The following MANEA variants were observed in gnomAD, a reference collection of about 807,000 sequenced individuals.
MANEA encodes glycoprotein endo-alpha-1,2-mannosidase.
MANEA carries 25 observed loss-of-function variants against 36.8 expected under a neutral mutation model. That is an observed-to-expected ratio of 0.68 (90% CI 0.50 to 0.95). The LOEUF is 0.95. Among genes scored for constraint, MANEA ranks in the 40% least tolerant of loss-of-function variants. The pLI is 0.00. For synonymous variants in MANEA, 198 were observed against 188.5 expected (o/e 1.05, Z -0.41); for missense variants, 565 against 558.8 (o/e 1.01, Z -0.11).
At position 95,587,078 on chromosome 6, in the gene MANEA, TATTA is replaced by T. The variant is rs757224611; in HGVS notation, c.544+100_544+103del. 32 of 740,654 alleles carry T rather than the reference TATTA, an allele frequency of 4.3e-5. 1 individual carries two copies. In the South Asian group the frequency reaches 5.0e-4, roughly 12 times the overall value. 45.9% of individuals were successfully genotyped at this position (740,654 alleles called of 1,614,324 possible). ...CTTTACTAGTTAATTTTCTCATTATTATTAATTATATTGTTAAGCTCATACCTCC... is the reference window on the plus strand; with the variant it reads ...CTTTACTAGTTAATTTTCTCATTATTATTATATTGTTAAGCTCATACCTCC... On this transcript the variant is annotated intron_variant, in intron 2 of 4. Coordinates refer to ENST00000358812, the MANE Select transcript of MANEA (RefSeq NM_024641.4).
chr6:95,578,701 C>A (rs890889312), intron 1 of MANEA, among the ~76,000 whole-genome samples: 1 of 152,110 alleles, frequency 6.6e-6, no homozygotes, highest in African/African-American at 2.4e-5. Flanking sequence ...TGCTGTTATT[C>A]GTGTGACGAA....
At chr6:95,601,134 G>A (rs946846813) in intron 3 of MANEA, among the ~76,000 whole-genome samples, 1 of 152,034 alleles carries the variant, frequency 6.6e-6, no homozygotes, top group Admixed American at 6.5e-5. Context: ...AAGTATACTT[G>A]TCTGCATGTT....
At position 95,605,852 on chromosome 6, in the gene MANEA, C is replaced by T; in HGVS notation, c.836C>T (p.Ala279Val). The part of the protein sequence containing the change: ...DSYITKPEKW[A>V]NLLTTSGSRS... The stretch of plus-strand genomic sequence containing the variant: ...TATATTACCAAGCCTGAAAAATGGG[C>T]CAATCTGTTAACCACCTCAGGGTCT... The change falls in exon 5 of 5, where the codon GCC becomes GTC. Residue 279 changes from alanine (A) to valine (V), a missense_variant. By Grantham distance (64) the Ala-to-Val change is moderately conservative. Coordinates refer to ENST00000358812, the MANE Select transcript of MANEA (RefSeq NM_024641.4). 6.2e-7 allele frequency: 1 copy of T among 1,613,786 alleles called. No individual in the cohort carries two copies.
At chr6:95,590,161 G>A (rs1723267621) in intron 2 of MANEA, 1 of 152,162 alleles carries the variant, frequency 6.6e-6, no homozygotes, top group Admixed American at 6.6e-5. Flanking sequence ...CTCCTGACAT[G>A]CAAAACTGTA....
chr6:95,605,711 A>G, intron 4 of MANEA, 37 bp from the exon 5 acceptor site: 1 of 1,510,864 alleles, frequency 6.6e-7, no homozygotes, highest in Non-Finnish European at 9.1e-7. Context: ...ATTAGTTGTG[A>G]ATATTCATTT....
intron 3 of MANEA, among the ~76,000 whole-genome samples, chr6:95,598,219 A>C (rs778230093): frequency 6.6e-6 from 1 of 152,198 alleles, no homozygotes; most frequent in African/African-American, 2.4e-5. Context: ...TATACTCACT[A>C]TCTATTGCTG....
chr6:95,587,725 C>T (rs1370284593), intron 2 of MANEA, among the ~76,000 whole-genome samples: 4 of 151,878 alleles, frequency 2.6e-5, no homozygotes, highest in Non-Finnish European at 5.9e-5. Flanking sequence ...GTAATTTAGT[C>T]CTGCTTTTCT....
At chr6:95,605,265 C>T (rs2127945985) in intron 4 of MANEA, among the ~76,000 whole-genome samples, 1 of 152,212 alleles carries the variant, frequency 6.6e-6, no homozygotes, top group African/African-American at 2.4e-5. Flanking sequence ...TCTTTTAACA[C>T]AGTAGACCCA....
In MANEA at chr6:95,587,000, T is replaced by C. The variant is rs753652521; in HGVS notation, c.544+17T>C. 4 of 1,417,258 alleles carry C rather than the reference T, an allele frequency of 2.8e-6. No individual in the cohort carries two copies. The highest frequency in any genetic ancestry group is 3.9e-6 in the Non-Finnish European group (4 of 1,022,488). The allele number at this position is 1,417,258 out of a possible 1,614,324, so 87.8% of individuals were successfully genotyped here. A position where few individuals can be genotyped will look rare whatever the true frequency, so the allele number is the denominator to read the frequency against. On this transcript the variant is annotated intron_variant, in intron 2 of 4. Coordinates refer to ENST00000358812, the MANE Select transcript of MANEA (RefSeq NM_024641.4). The stretch of plus-strand genomic sequence containing the variant: ...CTTCAATTGGTAATTATTGTATATA[T>C]ATATATGTGTGTTTGTGTCTGTATA...
At chr6:95,594,763 C>T (rs1484171662) in intron 2 of MANEA, among the ~76,000 whole-genome samples, 2 of 152,140 alleles carry the variant, frequency 1.3e-5, no homozygotes, top group African/African-American at 4.8e-5. Flanking sequence ...TAAATTAGGT[C>T]TAAAGCTAGA....
rs779987746 is a variant in MANEA at position 95,586,600 on chromosome 6, A to T, written c.161A>T (p.His54Leu). 2.5e-6 allele frequency: 4 copies of T among 1,613,948 alleles called. No individual in the cohort carries two copies. Among genetic ancestry groups the T allele is most frequent in the Non-Finnish European group, 3.4e-6 (4 of 1,179,986 alleles). Residue 54 changes from histidine (H) to leucine (L), a missense_variant, in exon 2 of 5, where the codon CAT (histidine) becomes CTT (leucine). Physicochemically the swap from His to Leu is moderately conservative, Grantham distance 99. Coordinates refer to ENST00000358812, the MANE Select transcript of MANEA (RefSeq NM_024641.4). ...LLPELHQRTI[H>L]LGKNFDFQKS... is the part of the protein sequence containing the mutation. ...CCAGAACTTCATCAACGAACTATTC[A>T]TTTGGGGAAAAATTTTGATTTCCAA...
rs1250489657 is a variant in MANEA at position 95,608,294 on chromosome 6, C to G, written c.*1889C>G. 1 of 151,796 alleles carries G rather than the reference C, an allele frequency of 6.6e-6. No individual in the cohort carries two copies. Among genetic ancestry groups the G allele is most frequent in the Non-Finnish European group, 1.5e-5 (1 of 67,800 alleles). 9.4% of individuals were successfully genotyped at this position (151,796 alleles called of 1,614,324 possible). A position where few individuals can be genotyped will look rare whatever the true frequency, so the allele number is the denominator to read the frequency against. ...CATTAAAGTTTTGTTAGAGAAGTAT[C>G]TACCACAGAGGAGTTTTTGTCATTG... On this transcript the variant is annotated 3_prime_UTR_variant, in exon 5 of 5. Coordinates refer to ENST00000358812, the MANE Select transcript of MANEA (RefSeq NM_024641.4).
chr6:95,597,298 G>T (rs1769499274), intron 3 of MANEA, among the ~76,000 whole-genome samples: 1 of 151,946 alleles, frequency 6.6e-6, no homozygotes, highest in Admixed American at 6.6e-5. Context: ...ATAGAATACA[G>T]CAGAAAGATC....
In MANEA at chr6:95,586,936, C is replaced by T. The variant is rs745398246; in HGVS notation, c.497C>T (p.Pro166Leu). The T allele has an allele frequency of 1.1e-5, 17 of 1,612,582 alleles. No homozygotes were observed. The highest frequency in any genetic ancestry group is 1.7e-4 in the Middle Eastern group (1 of 6,054). The change falls in exon 2 of 5, where the codon CCT becomes CTT. Residue 166 changes from proline (P) to leucine (L), a missense_variant. Pro to Leu is a moderately conservative substitution (Grantham distance 98, BLOSUM62 -3). Coordinates refer to ENST00000358812, the MANE Select transcript of MANEA (RefSeq NM_024641.4). Reference sequence around the variant, plus strand: ...TTGGGAAGTTACAGTTCTCGGGATCCTTCTGTCATAGAAACTCACATGAGA... The same window carrying T: ...TTGGGAAGTTACAGTTCTCGGGATCTTTCTGTCATAGAAACTCACATGAGA... ...PELGSYSSRD[P>L]SVIETHMRQM...
chr6:95,586,750 A>G lies in MANEA; in HGVS notation c.311A>G (p.His104Arg), dbSNP rs748894995. The G allele has an allele frequency of 8.7e-6, 14 of 1,613,448 alleles. No individual in the cohort carries two copies. Residue 104 changes from histidine to arginine, a missense_variant, in exon 2 of 5, where the codon CAT becomes CGT. Physicochemically the swap from His to Arg is conservative, Grantham distance 29. Transcript: ENST00000358812. ...CTACCACCTCTGAACAATTATCTAC[A>G]TGTATTTTATTACAGTTGGTATGGA... is the stretch of plus-strand genomic sequence containing the variant. ...DELPPLNNYLHVFYYSWYGNP... is the reference protein window; with the variant it reads ...DELPPLNNYLRVFYYSWYGNP...
Position 95,607,859 on chromosome 6 carries a change from A to G in MANEA, c.*1454A>G, listed in dbSNP as rs1769745118. On this transcript the variant is annotated 3_prime_UTR_variant, in exon 5 of 5. Transcript: ENST00000358812. ...TAATGCTAAAAAATAATGCCTATAA[A>G]TCTTCAGAGTATAAAGACATCCATT... The G allele has an allele frequency of 6.6e-6, 1 of 151,752 alleles. No individual in the cohort carries two copies. The highest frequency in any genetic ancestry group is 2.4e-5 in the African/African-American group (1 of 41,424). 9.4% of individuals were successfully genotyped at this position (151,752 alleles called of 1,614,324 possible).
intron 3 of MANEA, among the ~76,000 whole-genome samples, chr6:95,597,643 G>A (rs950234029): frequency 6.6e-6 from 1 of 151,890 alleles, no homozygotes; most frequent in Non-Finnish European, 1.5e-5. Flanking sequence ...AAACCATTTA[G>A]AAAGTATAAA....
chr6:95,589,543 A>G (rs1451776767), intron 2 of MANEA, among the ~76,000 whole-genome samples: 4 of 152,168 alleles, frequency 2.6e-5, no homozygotes, highest in Non-Finnish European at 5.9e-5. Flanking sequence ...TATTAATGTT[A>G]TGTTTAAAAT....
chr6:95,596,750 C>G lies in MANEA; in HGVS notation c.558C>G (p.Leu186=). The stretch of plus-strand genomic sequence containing the variant: ...CTTTTCTATTAGGTGTACTAGCCCT[C>G]TCTTGGTACCCACCTGATGTAAATG... ...MRSASIGVLA[L]SWYPPDVNDE... is the part of the protein sequence containing the mutation. Residue 186 remains leucine, a synonymous_variant, in exon 3 of 5, where the codon CTC becomes CTG. Transcript: ENST00000358812. 1.3e-6 allele frequency: 2 copies of G among 1,593,264 alleles called. No individual in the cohort carries two copies. The highest frequency in any genetic ancestry group is 1.3e-5 in the African/African-American group (1 of 74,610).
Sources: gnomAD v4.1 joint callset for allele counts (sites outside exome capture counted in the v4.1 genomes callset) on GRCh38, gnomAD v4.1.1 for gene constraint, MANE v1.5 for transcripts, NCBI Gene and HGNC (gene_info 2026-07-23, HGNC 2026-07-21) for gene names.